SPATA6: variants seen among roughly 807,000 people sequenced by gnomAD.
The protein encoded by SPATA6 is spermatogenesis-associated protein 6.
Under a neutral mutation model 65.3 loss-of-function variants are expected in SPATA6, and 56 were observed. That is an observed-to-expected ratio of 0.86 (90% CI 0.69 to 1.07). The LOEUF is 1.07. Among genes scored for constraint, SPATA6 ranks in the 50% least tolerant of loss-of-function variants. SPATA6 has a pLI of 0.00. For missense variants in SPATA6, 590 were observed against 594.8 expected (o/e 0.99, Z 0.08); for synonymous variants, 199 against 213.2 (o/e 0.93, Z 0.58).
At chr1:48,267,752 GTTTTTTT>G in the SPATA6 span, among the ~76,000 whole-genome samples, 2 of 72,676 alleles carry the variant, frequency 2.8e-5, no homozygotes, top group South Asian at 7.0e-4. Flanking sequence ...TAGGGTCTGG[GTTTTTTT>G]TTTTTTTTTT....
In SPATA6 at chr1:48,472,138, G is replaced by A. The variant is rs1301106794; in HGVS notation, c.-130C>T. The A allele has an allele frequency of 1.3e-5, 9 of 698,136 alleles. No individual in the cohort carries two copies. Among genetic ancestry groups the A allele is most frequent in the Non-Finnish European group, 1.8e-5 (8 of 448,614 alleles). The allele number at this position is 698,136 out of a possible 1,614,324, so 43.2% of individuals were successfully genotyped here. ...GGTGGCAGCAGTGGCCCCCAGGCCGGGGCCCGCGGTCCAGCCTGGGTTCCG... is the reference window on the plus strand; with the variant it reads ...GGTGGCAGCAGTGGCCCCCAGGCCGAGGCCCGCGGTCCAGCCTGGGTTCCG... On this transcript the variant is annotated 5_prime_UTR_variant, in exon 1 of 13. Coordinates refer to ENST00000371847, the MANE Select transcript of SPATA6 (RefSeq NM_019073.4).
chr1:48,428,863 A>T (rs1237679861), intron 3 of SPATA6, among the ~76,000 whole-genome samples: 2 of 133,606 alleles, frequency 1.5e-5, no homozygotes, highest in African/African-American at 5.3e-5. Context: ...GTGTATATAT[A>T]TATACACGTG....
intron 11 of SPATA6, 167 bp downstream of exon 11, chr1:48,355,486 ATGACTTAGGTCAAGCAG>A: frequency 4.2e-6 from 2 of 478,402 alleles, no homozygotes; most frequent in South Asian, 8.1e-5. Flanking sequence ...ATTTTGCATA[ATGACTTAGGTCAAGCAG>A]GCATTTAGAT....
intron 3 of SPATA6, among the ~76,000 whole-genome samples, chr1:48,416,108 T>G (rs926675930): frequency 1.3e-5 from 2 of 151,866 alleles, no homozygotes; most frequent in Non-Finnish European, 2.9e-5. Flanking sequence ...GAGGCTGAGG[T>G]AGGAGATCAC....
the SPATA6 span, among the ~76,000 whole-genome samples, chr1:48,269,217 C>T: frequency 3.3e-5 from 5 of 152,146 alleles, no homozygotes; most frequent in Non-Finnish European, 5.9e-5. Context: ...AAATCCTCAA[C>T]ATCTTCCCAA....
chr1:48,347,792 C>T (rs557601196), intron 11 of SPATA6, among the ~76,000 whole-genome samples: 74 of 151,658 alleles, frequency 4.9e-4, no homozygotes, highest in African/African-American at 1.7e-3. Context: ...TTTTGGCAGA[C>T]CAAGAGATGC....
chr1:48,411,438 T>C, intron 5 of SPATA6, 26 bp downstream of exon 5: 1 of 1,594,394 alleles, frequency 6.3e-7, no homozygotes, highest in Non-Finnish European at 8.6e-7. Context: ...CATCAAAAAC[T>C]GATTCAGAAA....
At chr1:48,394,838 T>C (rs1650427615) in intron 8 of SPATA6, among the ~76,000 whole-genome samples, 1 of 151,966 alleles carries the variant, frequency 6.6e-6, no homozygotes, top group African/African-American at 2.4e-5. Flanking sequence ...ATTATCTTCA[T>C]ATTGAACTTA....
intron 3 of SPATA6, among the ~76,000 whole-genome samples, chr1:48,421,292 T>G (rs866746088): frequency 1.3e-5 from 2 of 149,932 alleles, no homozygotes; most frequent in African/African-American, 4.8e-5. Context: ...TGTATTAAAA[T>G]TTCATATGAT....
At chr1:48,362,541 T>C (rs1646846126) in intron 9 of SPATA6, among the ~76,000 whole-genome samples, 1 of 152,038 alleles carries the variant, frequency 6.6e-6, no homozygotes, top group African/African-American at 2.4e-5. Flanking sequence ...TAGCTCACAC[T>C]CAAACCTAAG....
intron 3 of SPATA6, among the ~76,000 whole-genome samples, chr1:48,415,957 C>A (rs1652737823): frequency 6.6e-6 from 1 of 152,176 alleles, no homozygotes; most frequent in African/African-American, 2.4e-5. Context: ...AATCCCAGCA[C>A]TTTTCAAGGC....
chr1:48,370,970 GT>G (rs1647229567), intron 9 of SPATA6, among the ~76,000 whole-genome samples: 1 of 152,250 alleles, frequency 6.6e-6, no homozygotes, highest in African/African-American at 2.4e-5. Context: ...CCCAACTAAA[GT>G]TATAATGTGA....
At chr1:48,406,371 T>C (rs564617535) in intron 5 of SPATA6, among the ~76,000 whole-genome samples, 159 of 152,334 alleles carry the variant, frequency 1.0e-3, no homozygotes, top group Non-Finnish European at 1.6e-3. Context: ...CAAGTGATTG[T>C]AAATATTAAT....
chr1:48,406,767 T>C (rs772549385), intron 5 of SPATA6, among the ~76,000 whole-genome samples: 40 of 152,176 alleles, frequency 2.6e-4, no homozygotes, highest in Admixed American at 6.5e-5. Flanking sequence ...CTATAACCAT[T>C]TACAAGTTTA....
intron 2 of SPATA6, among the ~76,000 whole-genome samples, chr1:48,452,106 G>A (rs1191545456): frequency 2.0e-5 from 3 of 152,016 alleles, no homozygotes; most frequent in African/African-American, 7.3e-5. Flanking sequence ...GTTATTGTCT[G>A]TTTCCCCCAT....
chr1:48,466,418 C>T (rs1657810332), intron 1 of SPATA6, among the ~76,000 whole-genome samples: 2 of 151,986 alleles, frequency 1.3e-5, no homozygotes, highest in East Asian at 1.9e-4. Context: ...ATAGGTTATA[C>T]ACAGACATAC....
chr1:48,310,750 T>C (rs758437812), intron 11 of SPATA6, among the ~76,000 whole-genome samples: 5 of 152,114 alleles, frequency 3.3e-5, no homozygotes, highest in Admixed American at 1.3e-4. Context: ...ACAACATCTA[T>C]AGAACATTCC....
chr1:48,320,387 A>T (rs1645566529), intron 11 of SPATA6, among the ~76,000 whole-genome samples: 1 of 152,340 alleles, frequency 6.6e-6, no homozygotes, highest in Non-Finnish European at 1.5e-5. Context: ...AGTAACACAC[A>T]AATGAACTCC....
At chr1:48,468,731 C>T (rs1657995933) in intron 1 of SPATA6, among the ~76,000 whole-genome samples, 2 of 151,862 alleles carry the variant, frequency 1.3e-5, no homozygotes, top group African/African-American at 4.8e-5. Flanking sequence ...AATAGAACTG[C>T]TCTATATTAA....
Sources: allele counts gnomAD v4.1 joint callset (sites outside exome capture counted in the v4.1 genomes callset), GRCh38; gene constraint gnomAD v4.1.1; transcripts MANE v1.5; gene names NCBI Gene and HGNC (gene_info 2026-07-23, HGNC 2026-07-21).